BNC2: variants seen among roughly 807,000 people sequenced by gnomAD.
BNC2 encodes basonuclin zinc finger protein 2.
BNC2 carries 20 observed loss-of-function variants against 76.3 expected under a neutral mutation model. That is an observed-to-expected ratio of 0.26 (90% CI 0.18 to 0.38). The LOEUF (loss-of-function observed/expected upper bound fraction) is 0.38. BNC2 is among the 10% of genes least tolerant of loss of function. BNC2 has a pLI of 1.00. For synonymous variants in BNC2, 582 were observed against 514.8 expected (o/e 1.13, Z -1.77); for missense variants, 1,382 against 1,399.8 (o/e 0.99, Z 0.20).
intron 3 of BNC2, among the ~76,000 whole-genome samples, chr9:16,717,692 A>G (rs2134818423): frequency 6.6e-6 from 1 of 152,316 alleles, no homozygotes; most frequent in Admixed American, 6.5e-5. Flanking sequence ...TGTTTTATGG[A>G]GAGAAAAGTA....
chr9:16,682,529 G>T (rs985443180), intron 3 of BNC2, among the ~76,000 whole-genome samples: 1 of 152,030 alleles, frequency 6.6e-6, no homozygotes, highest in Non-Finnish European at 1.5e-5. Flanking sequence ...TAATTACAAT[G>T]CAGACCAGAG....
intron 5 of BNC2, among the ~76,000 whole-genome samples, chr9:16,539,285 C>T (rs2132333559): frequency 6.6e-6 from 1 of 152,030 alleles, no homozygotes; most frequent in Admixed American, 6.6e-5. Context: ...TTTGGCAGGC[C>T]AAGGTGGGCA....
At chr9:16,748,452 T>A (rs574594008) in intron 1 of BNC2, among the ~76,000 whole-genome samples, 1 of 152,106 alleles carries the variant, frequency 6.6e-6, no homozygotes, top group Admixed American at 6.5e-5. Flanking sequence ...TGGTCGAGGC[T>A]ACAGTGAGTC....
intron 4 of BNC2, chr9:16,575,303 T>C (rs1251409130): frequency 2.6e-5 from 26 of 985,320 alleles, no homozygotes; most frequent in Non-Finnish European, 3.0e-5. Context: ...GTGTGTTTCA[T>C]TCTCAACACC....
chr9:16,585,950 A>G (rs1029802827), intron 3 of BNC2, among the ~76,000 whole-genome samples: 2 of 152,124 alleles, frequency 1.3e-5, no homozygotes, highest in Non-Finnish European at 2.9e-5. Flanking sequence ...AAAGGAGCAG[A>G]GAGTTCAGTC....
At chr9:16,521,212 G>T (rs775886764) in intron 5 of BNC2, among the ~76,000 whole-genome samples, 1 of 152,188 alleles carries the variant, frequency 6.6e-6, no homozygotes, top group African/African-American at 2.4e-5. Context: ...GAAGAGACCA[G>T]GAAAGGTCTG....
chr9:16,572,548 A>G (rs952017257), intron 4 of BNC2, among the ~76,000 whole-genome samples: 2 of 152,126 alleles, frequency 1.3e-5, no homozygotes, highest in African/African-American at 4.8e-5. Context: ...GCCCTTCCTG[A>G]GCTTTTCAAG....
At chr9:16,844,419 A>G (rs1406579861) in intron 1 of BNC2, among the ~76,000 whole-genome samples, 2 of 143,398 alleles carry the variant, frequency 1.4e-5, no homozygotes, top group Non-Finnish European at 3.0e-5. Context: ...ACATTCCTTT[A>G]AAAAAAAAAG....
intron 5 of BNC2, among the ~76,000 whole-genome samples, chr9:16,487,429 C>A (rs540404879): frequency 6.6e-6 from 1 of 152,160 alleles, no homozygotes; most frequent in Non-Finnish European, 1.5e-5. Flanking sequence ...CTAAAAGCCA[C>A]GGAGAGCCAT....
At chr9:16,853,469 C>T (rs572389789) in intron 1 of BNC2, among the ~76,000 whole-genome samples, 1 of 151,496 alleles carries the variant, frequency 6.6e-6, no homozygotes, top group African/African-American at 2.4e-5. Context: ...TTCAACGTAA[C>T]TTTCTAATTA....
chr9:16,722,602 G>A (rs1824190109), intron 3 of BNC2, among the ~76,000 whole-genome samples: 1 of 152,150 alleles, frequency 6.6e-6, no homozygotes, highest in African/African-American at 2.4e-5. Flanking sequence ...GTTTGCAGAT[G>A]ACAGAAAGGT....
intron 3 of BNC2, among the ~76,000 whole-genome samples, chr9:16,661,529 G>T (rs1488095588): frequency 6.6e-6 from 1 of 152,068 alleles, no homozygotes; most frequent in Non-Finnish European, 1.5e-5. Flanking sequence ...TAATTTCCGA[G>T]GCCATTAAAG....
chr9:16,775,290 C>G lies in BNC2; in HGVS notation c.4-36805G>C, dbSNP rs140567523. 1.2e-4 allele frequency among the ~76,000 whole-genome samples: 18 copies of G among 151,818 alleles called. No individual in the cohort carries two copies. The East Asian group carries it at 3.5e-3, about 29-fold the overall frequency. On this transcript the variant is annotated intron_variant, in intron 1 of 6. Transcript: ENST00000380672. The stretch of plus-strand genomic sequence containing the variant: ...TATTTATAAGTAAATGAAGAATGTC[C>G]CCTATAAACTCTAATTTGGGATAAG...
At chr9:16,427,234 A>C (rs1190954393) in intron 6 of BNC2, among the ~76,000 whole-genome samples, 4 of 152,242 alleles carry the variant, frequency 2.6e-5, no homozygotes, top group African/African-American at 9.6e-5. Context: ...GCAAACTGCC[A>C]CGCATAGGAG....
chr9:16,801,182 T>C (rs1224961421), intron 1 of BNC2, among the ~76,000 whole-genome samples: 1 of 152,174 alleles, frequency 6.6e-6, no homozygotes, highest in African/African-American at 2.4e-5. Flanking sequence ...TTTGTGACCT[T>C]CAAATCTCCC....
chr9:16,793,041 T>C (rs1817555685), intron 1 of BNC2, among the ~76,000 whole-genome samples: 1 of 152,208 alleles, frequency 6.6e-6, no homozygotes, highest in Non-Finnish European at 1.5e-5. Flanking sequence ...TTATAATTCA[T>C]CTTAGGAAAT....
intron 3 of BNC2, among the ~76,000 whole-genome samples, chr9:16,677,358 A>G (rs985943164): frequency 1.3e-5 from 2 of 152,162 alleles, no homozygotes; most frequent in African/African-American, 4.8e-5. Flanking sequence ...AGATTACTTG[A>G]GATCAAGAGT....
intron 4 of BNC2, among the ~76,000 whole-genome samples, chr9:16,562,300 A>T (rs1819038143): frequency 6.6e-6 from 1 of 152,206 alleles, no homozygotes; most frequent in Non-Finnish European, 1.5e-5. Flanking sequence ...TATTCTTTTC[A>T]ACTATCCTCA....
At chr9:16,805,028 C>T (rs1817871212) in intron 1 of BNC2, among the ~76,000 whole-genome samples, 1 of 152,012 alleles carries the variant, frequency 6.6e-6, no homozygotes, top group Non-Finnish European at 1.5e-5. Context: ...CGCCATTGCA[C>T]TCCAGCCTGG....
Sources: gnomAD v4.1 joint callset for allele counts (sites outside exome capture counted in the v4.1 genomes callset) on GRCh38, gnomAD v4.1.1 for gene constraint, MANE v1.5 for transcripts, NCBI Gene and HGNC (gene_info 2026-07-23, HGNC 2026-07-21) for gene names.